The following CAPNS1 variants were observed in gnomAD, a reference collection of about 807,000 sequenced individuals.
CAPNS1 encodes the protein CANP small subunit.
In CAPNS1, 32 loss-of-function variants were observed where a neutral mutation model predicts 39.2. The observed-to-expected ratio is 0.82, with a 90% CI of 0.62 to 1.10. The LOEUF (loss-of-function observed/expected upper bound fraction) is 1.10, where lower values mean the gene tolerates loss of function less well. Among genes scored for constraint, CAPNS1 ranks in the 50% least tolerant of loss-of-function variants. CAPNS1 has a pLI of 0.00. For synonymous variants in CAPNS1, 153 were observed against 136.2 expected, an observed-to-expected ratio of 1.12 and a Z score of -0.86; for missense variants, 353 against 373.1, an observed-to-expected ratio of 0.95 and a Z score of 0.44.
chr19:36,149,495 C>T, intron 9 of CAPNS1, 83 bp from the exon 10 acceptor site: 2 of 1,287,356 alleles, frequency 1.6e-6, no homozygotes, highest in Non-Finnish European at 2.1e-6. Flanking sequence ...TGATTGTCAT[C>T]CCATGTATTT....
Position 36,149,912 on chromosome 19 carries a change from C to T in CAPNS1, c.*73C>T, listed in dbSNP as rs968588963. ...CTGGAGCCTCGGTCTCTCCCAGGGC[C>T]GATCCTGTCTGCAGTCACATCTTTG... On this transcript the variant is annotated 3_prime_UTR_variant, in exon 11 of 11. Coordinates refer to ENST00000246533, the MANE Select transcript of CAPNS1 (RefSeq NM_001749.4). 7.6e-6 allele frequency: 10 copies of T among 1,316,578 alleles called. No individual in the cohort carries two copies. The highest frequency in any genetic ancestry group is 1.5e-5 in the African/African-American group (1 of 65,752). The allele number at this position is 1,316,578 out of a possible 1,614,324, so 81.6% of individuals were successfully genotyped here. A position where few individuals can be genotyped will look rare whatever the true frequency, so the allele number is the denominator to read the frequency against.
At chr19:36,146,154 G>C (rs1404176048) in intron 8 of CAPNS1, 42 bp from the exon 9 acceptor site, 2 of 1,581,158 alleles carry the variant, frequency 1.3e-6, no homozygotes, top group Admixed American at 3.3e-5. Context: ...GAGTGGGTTG[G>C]GCCATGTGGC....
chr19:36,149,964 G>A lies in CAPNS1; in HGVS notation c.*125G>A, dbSNP rs940083381. 7.7e-6 allele frequency: 7 copies of A among 904,702 alleles called. No individual in the cohort carries two copies. In the Admixed American group the frequency reaches 1.4e-4, roughly 18 times the overall value. 56.0% of individuals were successfully genotyped at this position (904,702 alleles called of 1,614,324 possible). A position where few individuals can be genotyped will look rare whatever the true frequency, so the allele number is the denominator to read the frequency against. The stretch of plus-strand genomic sequence containing the variant: ...GGGGCCTGCTGACCCACAAGCTTTT[G>A]TTCTCTCAGTACTTGTTACCCAGCT... On this transcript the variant is annotated 3_prime_UTR_variant, in exon 11 of 11. Coordinates refer to ENST00000246533, the MANE Select transcript of CAPNS1 (RefSeq NM_001749.4).
intron 9 of CAPNS1, among the ~76,000 whole-genome samples, chr19:36,149,135 T>G (rs990019476): frequency 6.6e-6 from 1 of 152,232 alleles, no homozygotes; most frequent in Non-Finnish European, 1.5e-5. Context: ...GGGTAACAGA[T>G]TGGATTCCAA....
chr19:36,149,529 C>A, intron 9 of CAPNS1, 49 bp from the exon 10 acceptor site: 2 of 1,430,774 alleles, frequency 1.4e-6, no homozygotes, highest in Non-Finnish European at 1.8e-6. Flanking sequence ...ATGCCAAAAA[C>A]CAGTCTCCTT....
chr19:36,141,580 G>A (rs1388787958), intron 2 of CAPNS1: 3 of 1,105,598 alleles, frequency 2.7e-6, no homozygotes, highest in Non-Finnish European at 3.3e-6. Flanking sequence ...GAGCCAATGC[G>A]TCTGAGTGAC....
Position 36,145,787 on chromosome 19 carries a change from C to G in CAPNS1, c.457-19C>G, listed in dbSNP as rs751709402. 6.2e-7 allele frequency: 1 copy of G among 1,611,280 alleles called. No individual in the cohort carries two copies. The highest frequency in any genetic ancestry group is 8.5e-7 in the Non-Finnish European group (1 of 1,177,734). ...GCATCTGGGTGTAGCTGTCACTCTT[C>G]TTAACACCCTCCCACCAGAGCGACA... is the stretch of plus-strand genomic sequence containing the variant. On this transcript the variant is annotated intron_variant, in intron 6 of 10. Coordinates refer to ENST00000246533, the MANE Select transcript of CAPNS1 (RefSeq NM_001749.4).
chr19:36,147,153 T>C (rs1005064837), intron 9 of CAPNS1, among the ~76,000 whole-genome samples: 3 of 152,140 alleles, frequency 2.0e-5, no homozygotes, highest in African/African-American at 4.8e-5. Context: ...GCCTTCTGAG[T>C]GTTAGTGTAC....
chr19:36,143,197 G>A (rs1484385725), intron 6 of CAPNS1, 69 bp downstream of exon 6: 22 of 1,364,048 alleles, frequency 1.6e-5, no homozygotes, highest in Non-Finnish European at 2.3e-5. Context: ...TGTTTGGGAA[G>A]CCAACATGTA....
At chr19:36,147,348 A>C (rs1162286344) in intron 9 of CAPNS1, among the ~76,000 whole-genome samples, 1 of 152,214 alleles carries the variant, frequency 6.6e-6, no homozygotes, top group East Asian at 1.9e-4. Flanking sequence ...AGCAGTGAGC[A>C]TGATTAGGTC....
intron 9 of CAPNS1, among the ~76,000 whole-genome samples, chr19:36,147,205 T>C (rs1281650687): frequency 6.6e-6 from 1 of 152,196 alleles, no homozygotes; most frequent in African/African-American, 2.4e-5. Flanking sequence ...ATTACTGTCC[T>C]TATTTTGTGA....
intron 6 of CAPNS1, among the ~76,000 whole-genome samples, chr19:36,145,203 CTTTTT>C (rs5827950): frequency 1.7e-5 from 2 of 118,284 alleles, no homozygotes; most frequent in East Asian, 2.6e-4. Flanking sequence ...TTTTCTTTCT[CTTTTT>C]TTTTTTTTTT....
At chr19:36,142,767 C>T (rs769099865) in intron 4 of CAPNS1, 26 bp downstream of exon 4, 3 of 1,603,542 alleles carry the variant, frequency 1.9e-6, no homozygotes, top group Middle Eastern at 1.7e-4. Flanking sequence ...TCCCTGGCCC[C>T]GTCCTAACCG....
Position 36,146,262 on chromosome 19 carries a change from T to C in CAPNS1, c.671T>C (p.Met224Thr). Reference protein sequence around the residue: ...IRRYSDESGNMDFDNFISCLV... With the variant: ...IRRYSDESGNTDFDNFISCLV... ...CGCTACTCAGATGAAAGTGGGAACA[T>C]GGATTTTGACAACTTCATCAGCTGC... Residue 224 changes from methionine to threonine, a missense_variant, in exon 9 of 11, where the codon ATG (methionine) becomes ACG (threonine). Coordinates refer to ENST00000246533, the MANE Select transcript of CAPNS1 (RefSeq NM_001749.4). 6.2e-7 allele frequency: 1 copy of C among 1,614,088 alleles called. No homozygotes were observed. The highest frequency in any genetic ancestry group is 8.5e-7 in the Non-Finnish European group (1 of 1,179,952).
rs1974332402 is a variant in CAPNS1 at position 36,140,891 on chromosome 19, C to T, written c.-15-106C>T. On this transcript the variant is annotated intron_variant, in intron 1 of 10. Transcript: ENST00000246533. ...GCCCTCGCAAACTCAGACCCCCACC[C>T]GGAGGCTTCAGATTCCTCCCAGGTC... The T allele has an allele frequency of 9.7e-6, 15 of 1,542,204 alleles. 1 individual carries two copies. Among genetic ancestry groups the T allele is most frequent in the African/African-American group, 7.1e-5 (5 of 70,456 alleles).
chr19:36,150,120 T>G lies in CAPNS1; in HGVS notation c.*281T>G. ...CACACCCACTCCGTAACCTCTCCCCTGTACCTGTGCCAAGCCTAGCACTTG... is the reference window on the plus strand; with the variant it reads ...CACACCCACTCCGTAACCTCTCCCCGGTACCTGTGCCAAGCCTAGCACTTG... On this transcript the variant is annotated 3_prime_UTR_variant, in exon 11 of 11. Transcript: ENST00000246533. The G allele has an allele frequency of 2.8e-6, 1 of 353,214 alleles. No homozygotes were observed. Among genetic ancestry groups the G allele is most frequent in the Non-Finnish European group, 5.1e-6 (1 of 197,460 alleles). The allele number at this position is 353,214 out of a possible 1,614,324, so 21.9% of individuals were successfully genotyped here.
In CAPNS1 at chr19:36,141,158, T is replaced by TGGA. The variant is rs770255441; in HGVS notation, c.150_152dup (p.Gly56dup). On this transcript the variant is annotated inframe_insertion, in exon 2 of 11. Coordinates refer to ENST00000246533, the MANE Select transcript of CAPNS1 (RefSeq NM_001749.4). ...GCGGCGGCGGCGGCGGCGGCGGTGG[T>TGGA]GGAGGCGGCGGTGGCGGTGGAACGG... 26 of 1,394,744 alleles carry TGGA rather than the reference T, an allele frequency of 1.9e-5. No individual in the cohort carries two copies. Among genetic ancestry groups the TGGA allele is most frequent in the Admixed American group, 1.1e-4 (3 of 26,394 alleles). The allele number at this position is 1,394,744 out of a possible 1,614,324, so 86.4% of individuals were successfully genotyped here.
chr19:36,149,534 CTCCT>C, intron 9 of CAPNS1, 40 bp from the exon 10 acceptor site: 1 of 1,434,988 alleles, frequency 7.0e-7, no homozygotes, highest in Non-Finnish European at 9.2e-7. Context: ...AAAAACCAGT[CTCCT>C]TCCTTCCCTG....
intron 4 of CAPNS1, 50 bp downstream of exon 4, chr19:36,142,791 C>A: frequency 6.3e-7 from 1 of 1,586,822 alleles, no homozygotes; most frequent in South Asian, 1.1e-5. Context: ...CATCCCTTCC[C>A]TTGTGGCTGC....
Sources: allele counts gnomAD v4.1 joint callset (sites outside exome capture counted in the v4.1 genomes callset), GRCh38; gene constraint gnomAD v4.1.1; transcripts MANE v1.5; gene names NCBI Gene and HGNC (gene_info 2026-07-23, HGNC 2026-07-21).